PIEZO2: variants seen among roughly 807,000 people sequenced by gnomAD.
The protein encoded by PIEZO2 is piezo-type mechanosensitive ion channel component 2.
A neutral mutation model predicts 337.3 loss-of-function variants in PIEZO2; 172 were observed. The ratio of observed to expected loss-of-function variants is 0.51; its 90% confidence interval spans 0.45 to 0.58. The LOEUF (loss-of-function observed/expected upper bound fraction) is 0.58, where lower values mean the gene tolerates loss of function less well. Among genes scored for constraint, PIEZO2 ranks in the 20% least tolerant of loss-of-function variants. The pLI is 0.00. For missense variants in PIEZO2, 3,028 were observed against 3,391.3 expected (o/e 0.89, Z 2.66); for synonymous variants, 1,251 against 1,228.5 (o/e 1.02, Z -0.38).
At chr18:10,986,144 T>G (rs2034862016) in intron 2 of PIEZO2, among the ~76,000 whole-genome samples, 1 of 151,970 alleles carries the variant, frequency 6.6e-6, no homozygotes, top group Non-Finnish European at 1.5e-5. Flanking sequence ...ACTGTTGAAC[T>G]CTACCAAATA....
intron 40 of PIEZO2, among the ~76,000 whole-genome samples, 163 bp from the exon 41 acceptor site, chr18:10,705,909 G>A (rs1484091402): frequency 6.6e-6 from 1 of 152,114 alleles, no homozygotes; most frequent in African/African-American, 2.4e-5. Context: ...CTCCTGTTCT[G>A]CAGCCACTGC....
chr18:10,741,213 C>T, intron 32 of PIEZO2, 111 bp from the exon 33 acceptor site: 3 of 922,894 alleles, frequency 3.3e-6, no homozygotes, highest in Admixed American at 5.5e-5. Flanking sequence ...AAAAGTATAT[C>T]AGAGGTCAGG....
intron 3 of PIEZO2, among the ~76,000 whole-genome samples, chr18:10,931,286 G>A (rs868698525): frequency 3.3e-5 from 5 of 152,106 alleles, no homozygotes; most frequent in African/African-American, 4.8e-5. Context: ...TGTAAGCTCC[G>A]CCTCCTGGGT....
At position 11,092,557 on chromosome 18, in the gene PIEZO2, A is replaced by G. The variant is rs1242161349; in HGVS notation, c.65-26335T>C. The stretch of plus-strand genomic sequence containing the variant: ...CATAAATACTTTTGAAACCAGGAAA[A>G]TAAGTTATTAATGTTAAAATTCTTT... On this transcript the variant is annotated intron_variant, in intron 1 of 55. Transcript: ENST00000674853. The surrounding 1 kb of genome is among the most constrained non-coding windows in gnomAD (Gnocchi z 4.5). 6.6e-6 allele frequency among the ~76,000 whole-genome samples: 1 copy of G among 152,226 alleles called. No individual in the cohort carries two copies. Among genetic ancestry groups the G allele is most frequent in the African/African-American group, 2.4e-5 (1 of 41,460 alleles).
intron 2 of PIEZO2, among the ~76,000 whole-genome samples, chr18:11,041,180 A>C (rs983411940): frequency 6.6e-6 from 1 of 152,242 alleles, no homozygotes; most frequent in Non-Finnish European, 1.5e-5. Context: ...TCACTGCCCA[A>C]AAGTTTTTGG....
chr18:11,071,831 G>A (rs2038349638), intron 1 of PIEZO2, among the ~76,000 whole-genome samples: 1 of 152,128 alleles, frequency 6.6e-6, no homozygotes, highest in African/African-American at 2.4e-5. Context: ...GCCTTGCAAG[G>A]GCTCCGGGGA....
intron 4 of PIEZO2, among the ~76,000 whole-genome samples, chr18:10,874,438 A>G (rs149724785): frequency 3.0e-3 from 459 of 152,282 alleles, no homozygotes; most frequent in African/African-American, 0.01. Context: ...GAACTACCAT[A>G]TGATCCAGCA....
rs1385680346 is a variant in PIEZO2 at position 10,850,548 on chromosome 18, A to G, written c.917+4805T>C. ...GGCACTTGTTGCAGCCTTATTCATG[A>G]GAACAAAAATGAGAAATCATCTACG... On this transcript the variant is annotated intron_variant, in intron 7 of 55. Transcript: ENST00000674853. This position sits in a 1 kb window ranked among gnomAD's most constrained non-coding sequence, Gnocchi z 4.5. 1.3e-5 allele frequency among the ~76,000 whole-genome samples: 2 copies of G among 152,236 alleles called. No homozygotes were observed. The highest frequency in any genetic ancestry group is 2.9e-5 in the Non-Finnish European group (2 of 68,042).
Position 10,672,918 on chromosome 18 carries a change from G to C in PIEZO2, c.8162-45C>G. On this transcript the variant is annotated intron_variant, in intron 54 of 55. Transcript: ENST00000674853. This position sits in a 1 kb window ranked among gnomAD's most constrained non-coding sequence, Gnocchi z 4.7. ...AAATTAAGTTGACATGAGAATTTTA[G>C]GATTTCATGCACAGCAACAGTTTTC... The C allele has an allele frequency of 6.7e-7, 1 of 1,495,962 alleles. No homozygotes were observed. Among genetic ancestry groups the C allele is most frequent in the South Asian group, 1.2e-5 (1 of 82,292 alleles). The allele number at this position is 1,495,962 out of a possible 1,614,324, so 92.7% of individuals were successfully genotyped here.
chr18:10,696,931 A>T (rs375839786), intron 45 of PIEZO2, among the ~76,000 whole-genome samples: 7 of 152,300 alleles, frequency 4.6e-5, no homozygotes, highest in African/African-American at 1.7e-4. Flanking sequence ...AACTGGAGTG[A>T]TGAGAAGACC....
At position 10,919,689 on chromosome 18, in the gene PIEZO2, AG is replaced by A. The variant is rs554689254; in HGVS notation, c.287-8462del. Among the ~76,000 whole-genome samples the A allele has an allele frequency of 6.7e-4, 102 of 152,292 alleles. 1 individual carries two copies. The highest frequency in any genetic ancestry group is 2.1e-3 in the African/African-American group (89 of 41,584). On this transcript the variant is annotated intron_variant, in intron 3 of 55. Transcript: ENST00000674853. ...AAATTACTTCCATATTACTCTCAAA[AG>A]AAACATGAATCCTAAATAATTAACT...
At chr18:10,755,040 A>G (rs553955144) in intron 27 of PIEZO2, among the ~76,000 whole-genome samples, 37 of 152,288 alleles carry the variant, frequency 2.4e-4, no homozygotes, top group South Asian at 8.3e-4. Context: ...GTATTGGTAT[A>G]TGCATTGGTA....
rs1030766272 is a variant in PIEZO2 at position 11,027,251 on chromosome 18, A to G, written c.160+38876T>C. Reference sequence around the variant, plus strand: ...AGCAAACAGCATTTGTGGAAAAGGAACAGCATGAGCCGTGACCCCTGAGTT... The same window carrying G: ...AGCAAACAGCATTTGTGGAAAAGGAGCAGCATGAGCCGTGACCCCTGAGTT... On this transcript the variant is annotated intron_variant, in intron 2 of 55. Transcript: ENST00000674853. The surrounding 1 kb of genome is among the most constrained non-coding windows in gnomAD (Gnocchi z 4.2). Among the ~76,000 whole-genome samples the G allele has an allele frequency of 6.6e-6, 1 of 152,208 alleles. No individual in the cohort carries two copies. The highest frequency in any genetic ancestry group is 2.4e-5 in the African/African-American group (1 of 41,460).
chr18:10,733,138 A>G (rs2036853218), intron 35 of PIEZO2, among the ~76,000 whole-genome samples: 1 of 152,128 alleles, frequency 6.6e-6, no homozygotes, highest in East Asian at 1.9e-4. Flanking sequence ...GGTGGGTGCC[A>G]TTAACATTTT....
At chr18:10,816,028 C>T (rs1458125248) in intron 7 of PIEZO2, among the ~76,000 whole-genome samples, 3 of 152,162 alleles carry the variant, frequency 2.0e-5, no homozygotes, top group East Asian at 3.9e-4. Flanking sequence ...TACCGGATTA[C>T]GGTTATGATC....
chr18:11,120,505 T>A (rs1003898819), intron 1 of PIEZO2, among the ~76,000 whole-genome samples: 1 of 152,034 alleles, frequency 6.6e-6, no homozygotes, highest in African/African-American at 2.4e-5. Context: ...AGTGCCTTGG[T>A]AGGGGCAAAG....
chr18:10,737,408 C>T (rs139283555), intron 33 of PIEZO2, among the ~76,000 whole-genome samples: 17 of 152,284 alleles, frequency 1.1e-4, no homozygotes, highest in East Asian at 3.9e-4. Flanking sequence ...CCAACAACAG[C>T]GCTCTGGCTG....
chr18:10,825,900 A>T (rs887367643), intron 7 of PIEZO2, among the ~76,000 whole-genome samples: 1 of 152,144 alleles, frequency 6.6e-6, no homozygotes, highest in African/African-American at 2.4e-5. Flanking sequence ...TGCACAGCCC[A>T]CACTCAATGG....
chr18:11,066,243 G>A (rs1349090892), intron 1 of PIEZO2, 21 bp from the exon 2 acceptor site: 3 of 1,519,350 alleles, frequency 2.0e-6, no homozygotes, highest in East Asian at 4.9e-5. Context: ...GAAGAGAGAA[G>A]AGAGTGAGAA....
Sources: gnomAD v4.1 joint callset for allele counts (sites outside exome capture counted in the v4.1 genomes callset) on GRCh38, gnomAD v4.1.1 for gene constraint, Gnocchi (gnomAD v3.1) non-coding constraint, MANE v1.5 for transcripts, NCBI Gene and HGNC (gene_info 2026-07-23, HGNC 2026-07-21) for gene names.